The following XPNPEP3 variants were observed in gnomAD, a reference collection of about 807,000 sequenced individuals.
XPNPEP3 encodes xaa-Pro aminopeptidase 3.
In XPNPEP3, 41 loss-of-function variants were observed where a neutral mutation model predicts 60.0. The observed-to-expected ratio is 0.68, with a 90% CI of 0.53 to 0.89. XPNPEP3 has a LOEUF of 0.89. Ranked by LOEUF, XPNPEP3 falls within the 40% of genes least tolerant of loss-of-function variation. The pLI is 0.00. For synonymous variants in XPNPEP3, 212 were observed against 223.2 expected (o/e 0.95, Z 0.45); for missense variants, 598 against 638.9 (o/e 0.94, Z 0.69).
chr22:40,866,377 C>A (rs1253151347), intron 1 of XPNPEP3, among the ~76,000 whole-genome samples: 4 of 151,720 alleles, frequency 2.6e-5, no homozygotes, highest in Non-Finnish European at 4.4e-5. Context: ...ACAAGCAGAA[C>A]AGAGGCAGTA....
intron 7 of XPNPEP3, among the ~76,000 whole-genome samples, chr22:40,921,486 T>TA (rs1271058960): frequency 0.064 from 6,630 of 103,782 alleles, 343 homozygotes; most frequent in African/African-American, 0.16. Flanking sequence ...ACCTTGTCTC[T>TA]AAAAAAAAAA....
At position 40,909,170 on chromosome 22, in the gene XPNPEP3, C is replaced by T; in HGVS notation, c.904C>T (p.Pro302Ser). Residue 302 changes from proline to serine, a missense_variant, in exon 6 of 10, where the codon CCT becomes TCT. Physicochemically the swap from Pro to Ser is moderately conservative, Grantham distance 74 (BLOSUM62 -1). Transcript: ENST00000357137. ...ARGADILAYP[P>S]VVAGGNRSNT... ...TGGCGCAGACATTTTAGCCTATCCA[C>T]CTGTGGTGGCTGGTGGTAATCGGTC... 6.2e-7 allele frequency: 1 copy of T among 1,614,168 alleles called. No individual in the cohort carries two copies. The highest frequency in any genetic ancestry group is 1.1e-5 in the South Asian group (1 of 91,082).
At chr22:40,880,603 C>T (rs536933059) in intron 2 of XPNPEP3, among the ~76,000 whole-genome samples, 1 of 151,514 alleles carries the variant, frequency 6.6e-6, no homozygotes, top group East Asian at 1.9e-4. Context: ...TGAAATAATT[C>T]AGTATTACAT....
chr22:40,924,208 C>T (rs2146282015), intron 8 of XPNPEP3, among the ~76,000 whole-genome samples, 154 bp from the exon 9 acceptor site: 1 of 152,234 alleles, frequency 6.6e-6, no homozygotes, highest in South Asian at 2.1e-4. Context: ...CGCAGTTTTT[C>T]AGGTGCCTTT....
At chr22:40,888,625 T>G (rs901759186) in intron 4 of XPNPEP3, among the ~76,000 whole-genome samples, 6 of 152,010 alleles carry the variant, frequency 3.9e-5, no homozygotes, top group African/African-American at 1.5e-4. Context: ...TGATAAACAT[T>G]TGGTTTCTAT....
chr22:40,868,778 T>C (rs1601490892), intron 1 of XPNPEP3, among the ~76,000 whole-genome samples: 1 of 151,000 alleles, frequency 6.6e-6, no homozygotes, highest in Non-Finnish European at 1.5e-5. Flanking sequence ...ACCCAGGAGG[T>C]GGAGGTTGCA....
At chr22:40,914,726 T>C (rs2058189656) in intron 7 of XPNPEP3, among the ~76,000 whole-genome samples, 1 of 151,860 alleles carries the variant, frequency 6.6e-6, no homozygotes. Context: ...CATGCCTGAC[T>C]CACAGACATT....
intron 1 of XPNPEP3, chr22:40,859,564 GC>G (rs2057928800): frequency 6.6e-6 from 1 of 151,744 alleles, no homozygotes; most frequent in Non-Finnish European, 1.5e-5. Context: ...AATACCCTGG[GC>G]TTTTATTATT....
chr22:40,923,945 T>C (rs890000341), intron 8 of XPNPEP3, among the ~76,000 whole-genome samples: 18 of 152,150 alleles, frequency 1.2e-4, no homozygotes, highest in Non-Finnish European at 2.2e-4. Flanking sequence ...CCAGAGTAGA[T>C]TCCTGAGAGG....
intron 2 of XPNPEP3, among the ~76,000 whole-genome samples, chr22:40,881,418 T>C (rs760313369): frequency 1.4e-3 from 202 of 144,704 alleles, no homozygotes; most frequent in Middle Eastern, 0.014. Context: ...ATCATGCCAC[T>C]GCACTCCAGC....
intron 3 of XPNPEP3, 102 bp downstream of exon 3, chr22:40,882,279 T>A: frequency 7.9e-7 from 1 of 1,267,310 alleles, no homozygotes; most frequent in Non-Finnish European, 1.1e-6. Flanking sequence ...AGCACCACCA[T>A]GAAAAGACCA....
At chr22:40,861,581 GA>G (rs1410221160) in intron 1 of XPNPEP3, 2 of 1,612,864 alleles carry the variant, frequency 1.2e-6, no homozygotes, top group East Asian at 4.5e-5. Flanking sequence ...TGGCAGTGGA[GA>G]AAAAGTATCC....
intron 1 of XPNPEP3, chr22:40,861,771 C>T: frequency 6.2e-7 from 1 of 1,613,500 alleles, no homozygotes; most frequent in Non-Finnish European, 8.5e-7. Context: ...ACTTCCACCT[C>T]CGTTTAATCC....
intron 7 of XPNPEP3, chr22:40,917,863 T>C (rs919312871): frequency 1.3e-5 from 2 of 151,430 alleles, no homozygotes; most frequent in African/African-American, 4.9e-5. Context: ...AAGAAAAAAA[T>C]AGCTGGATAT....
intron 6 of XPNPEP3, among the ~76,000 whole-genome samples, chr22:40,912,886 A>G (rs1482536131): frequency 6.6e-6 from 1 of 152,148 alleles, no homozygotes; most frequent in Non-Finnish European, 1.5e-5. Context: ...AAAAGTCAAC[A>G]TGTCATAAAA....
chr22:40,899,262 A>G (rs994572711), intron 4 of XPNPEP3, among the ~76,000 whole-genome samples: 2 of 152,164 alleles, frequency 1.3e-5, no homozygotes, highest in Non-Finnish European at 2.9e-5. Flanking sequence ...TTAGAGCTCC[A>G]TCTGTTGATC....
At chr22:40,918,585 G>A (rs1317765623) in intron 7 of XPNPEP3, among the ~76,000 whole-genome samples, 2 of 151,852 alleles carry the variant, frequency 1.3e-5, no homozygotes, top group Admixed American at 1.3e-4. Context: ...TCAGGTGGCT[G>A]AGGTAGGAGA....
At chr22:40,920,051 G>A (rs369007392) in intron 7 of XPNPEP3, among the ~76,000 whole-genome samples, 31 of 152,030 alleles carry the variant, frequency 2.0e-4, no homozygotes, top group Non-Finnish European at 3.7e-4. Flanking sequence ...CATTTGCCTC[G>A]GAAAGTAGGG....
intron 2 of XPNPEP3, among the ~76,000 whole-genome samples, chr22:40,878,591 CTT>C (rs948480755): frequency 3.5e-5 from 5 of 143,640 alleles, no homozygotes; most frequent in Non-Finnish European, 3.1e-5. Context: ...AAATTTCTTT[CTT>C]TTTTTTTTTT....
Sources: allele counts gnomAD v4.1 joint callset (sites outside exome capture counted in the v4.1 genomes callset), GRCh38; gene constraint gnomAD v4.1.1; transcripts MANE v1.5; gene names NCBI Gene and HGNC (gene_info 2026-07-23, HGNC 2026-07-21).